SYN2: variants seen among roughly 807,000 people sequenced by gnomAD.
SYN2 encodes synapsin-2.
A neutral mutation model predicts 50.9 loss-of-function variants in SYN2; 19 were observed. That is an observed-to-expected ratio of 0.37 (90% CI 0.26 to 0.55). The LOEUF (loss-of-function observed/expected upper bound fraction) is 0.55, where lower values mean the gene tolerates loss of function less well. Ranked by LOEUF, SYN2 falls within the 20% of genes least tolerant of loss-of-function variation. SYN2 has a pLI of 0.81. For synonymous variants in SYN2, 255 were observed against 224.9 expected (o/e 1.13, Z -1.20); for missense variants, 587 against 576.4 (o/e 1.02, Z -0.19).
intron 5 of SYN2, chr3:12,153,214 T>C (rs890413137): frequency 2.1e-6 from 1 of 469,452 alleles, no homozygotes; most frequent in Admixed American, 3.3e-5. Context: ...GGAAAACACA[T>C]ATTCCTGGGG....
intron 1 of SYN2, among the ~76,000 whole-genome samples, chr3:12,130,362 C>T (rs1044373318): frequency 6.6e-6 from 1 of 151,978 alleles, no homozygotes; most frequent in African/African-American, 2.4e-5. Flanking sequence ...AGTTCCAGTC[C>T]AAGTCTGAAG....
At chr3:12,080,547 ATTTTATTAT>A (rs908490947) in intron 1 of SYN2, among the ~76,000 whole-genome samples, 19 of 152,030 alleles carry the variant, frequency 1.2e-4, no homozygotes, top group Non-Finnish European at 1.9e-4. Context: ...TTCTGCCTTA[ATTTTATTAT>A]TTACCCAGGA....
At chr3:12,181,064 ACGTCTAC>A (rs1355296813) in intron 10 of SYN2, among the ~76,000 whole-genome samples, 5 of 152,238 alleles carry the variant, frequency 3.3e-5, no homozygotes. Context: ...GTGAACACAT[ACGTCTAC>A]CTCCCAAAAC....
chr3:12,090,134 T>C (rs879472169), intron 1 of SYN2, among the ~76,000 whole-genome samples: 5 of 152,140 alleles, frequency 3.3e-5, no homozygotes, highest in Non-Finnish European at 7.4e-5. Flanking sequence ...ATTTTGAACT[T>C]TTTTTTCTTT....
chr3:12,009,140 A>C (rs1323737276), intron 1 of SYN2, among the ~76,000 whole-genome samples: 3 of 152,208 alleles, frequency 2.0e-5, no homozygotes, highest in Non-Finnish European at 4.4e-5. Context: ...TACTGATTGC[A>C]CAGAATTTGA....
chr3:12,105,421 G>A (rs1232910626), intron 1 of SYN2, among the ~76,000 whole-genome samples: 1 of 150,230 alleles, frequency 6.7e-6, no homozygotes, highest in Admixed American at 6.6e-5. Context: ...TCTAACAAAT[G>A]TTTGAATGAT....
At chr3:12,131,059 T>C (rs753560754) in intron 1 of SYN2, among the ~76,000 whole-genome samples, 3 of 152,214 alleles carry the variant, frequency 2.0e-5, no homozygotes, top group Non-Finnish European at 4.4e-5. Context: ...CATATGCTTA[T>C]GCAGGTTGTT....
At chr3:12,051,907 A>G (rs1443668086) in intron 1 of SYN2, among the ~76,000 whole-genome samples, 1 of 152,234 alleles carries the variant, frequency 6.6e-6, no homozygotes, top group African/African-American at 2.4e-5. Flanking sequence ...TTCAGAGGTT[A>G]GAAATCTTAC....
At position 12,156,836 on chromosome 3, in the gene SYN2, C is replaced by A. The variant is rs759026154; in HGVS notation, c.775-4710C>A. On this transcript the variant is annotated intron_variant, in intron 5 of 12. Coordinates refer to ENST00000621198, the MANE Select transcript of SYN2 (RefSeq NM_133625.6). ...TTAACTTACCAGTCAAGAGATACTG[C>A]TTCTGGCTGTTGGCTTCTAGTTTCA... 1.9e-6 allele frequency: 3 copies of A among 1,613,950 alleles called. No homozygotes were observed. In the African/African-American group the frequency reaches 4.0e-5, roughly 22 times the overall value.
chr3:12,067,903 G>T (rs1433729320), intron 1 of SYN2, among the ~76,000 whole-genome samples: 1 of 152,004 alleles, frequency 6.6e-6, no homozygotes, highest in African/African-American at 2.4e-5. Context: ...TCTACAAAAA[G>T]AAAAATTAGG....
chr3:12,178,103 C>A (rs987306759), intron 10 of SYN2, among the ~76,000 whole-genome samples: 1 of 152,258 alleles, frequency 6.6e-6, no homozygotes, highest in Non-Finnish European at 1.5e-5. Flanking sequence ...TGACCACATT[C>A]TTTCCCGCTG....
At chr3:12,151,353 C>T (rs1697286922) in intron 5 of SYN2, 27 bp downstream of exon 5, 1 of 1,577,742 alleles carries the variant, frequency 6.3e-7, no homozygotes, top group African/African-American at 1.3e-5. Flanking sequence ...GGACATTAGT[C>T]TTTCTGCTGT....
chr3:12,033,330 G>A (rs914192463), intron 1 of SYN2, among the ~76,000 whole-genome samples: 22 of 152,186 alleles, frequency 1.4e-4, no homozygotes, highest in Non-Finnish European at 3.1e-4. Flanking sequence ...CGTTGCTCAC[G>A]CTGGGAGCTG....
chr3:12,022,551 G>A (rs1694164587), intron 1 of SYN2, among the ~76,000 whole-genome samples: 2 of 151,912 alleles, frequency 1.3e-5, no homozygotes, highest in Admixed American at 1.3e-4. Context: ...GGGACTACAG[G>A]TGCACGCCAC....
At chr3:12,142,878 A>G (rs1383153730) in intron 3 of SYN2, among the ~76,000 whole-genome samples, 1 of 152,208 alleles carries the variant, frequency 6.6e-6, no homozygotes, top group Non-Finnish European at 1.5e-5. Flanking sequence ...GGTGACAGGA[A>G]AGGCCAGACT....
At chr3:12,004,958 G>A (rs1463954222) in intron 1 of SYN2, 30 bp downstream of exon 1, 1 of 482,466 alleles carries the variant, frequency 2.1e-6, no homozygotes. Flanking sequence ...GCCCTCGGGG[G>A]TCGGGGTCCG....
At chr3:12,137,960 C>G (rs1696933525) in intron 1 of SYN2, among the ~76,000 whole-genome samples, 1 of 152,144 alleles carries the variant, frequency 6.6e-6, no homozygotes, top group African/African-American at 2.4e-5. Flanking sequence ...TTAAGCCTCC[C>G]TAAGGTCATA....
intron 11 of SYN2, chr3:12,185,562 A>T (rs1312073340): frequency 1.0e-6 from 1 of 985,654 alleles, no homozygotes; most frequent in Non-Finnish European, 1.2e-6. Context: ...ACAGTATAGG[A>T]TTGCCATTCA....
chr3:12,009,336 T>C (rs1693869601), intron 1 of SYN2, among the ~76,000 whole-genome samples: 1 of 152,120 alleles, frequency 6.6e-6, no homozygotes, highest in African/African-American at 2.4e-5. Flanking sequence ...CTACCATGTT[T>C]TTTTTTTTCC....
Sources: allele counts gnomAD v4.1 joint callset (sites outside exome capture counted in the v4.1 genomes callset), GRCh38; gene constraint gnomAD v4.1.1; transcripts MANE v1.5; gene names NCBI Gene and HGNC (gene_info 2026-07-23, HGNC 2026-07-21).